The following FLNA variants were observed in gnomAD, a reference collection of about 807,000 sequenced individuals.
FLNA encodes the protein filamin A.
In FLNA, 7 loss-of-function variants were observed where a neutral mutation model predicts 157.6. That is an observed-to-expected ratio of 0.04 (90% CI 0.03 to 0.08). FLNA has a LOEUF of 0.08. FLNA is among the 10% of genes least tolerant of loss of function. The pLI, the probability that FLNA is intolerant of heterozygous loss-of-function variation, is 1.00. For synonymous variants in FLNA, 1,103 were observed against 1,060.8 expected, an observed-to-expected ratio of 1.04 and a Z score of -0.77; for missense variants, 1,750 against 2,398.4, an observed-to-expected ratio of 0.73 and a Z score of 5.65.
rs782275257 is a variant in FLNA at position 154,370,917 on chromosome X, G to A, written c.329C>T (p.Ala110Val). The change falls in exon 2 of 48, where the codon GCG (alanine) becomes GTG (valine). Residue 110 changes from alanine to valine, a missense_variant. By Grantham distance (64) the Ala-to-Val change is moderately conservative. Transcript: ENST00000369850. ...GCTCTCGCGGTCCAGGAACTCGAGCGCCACCGACACGTTCTCAAGCTGCAT... is the reference window on the plus strand; with the variant it reads ...GCTCTCGCGGTCCAGGAACTCGAGCACCACCGACACGTTCTCAAGCTGCAT... The part of the protein sequence containing the change: ...RQMQLENVSV[A>V]LEFLDRESIK... The A allele has an allele frequency of 8.3e-7, 1 of 1,210,619 alleles. No individual in the cohort carries two copies. The highest frequency in any genetic ancestry group is 3.0e-5 in the East Asian group (1 of 33,828).
chrX:154,372,195 G>A (rs2067813712), intron 1 of FLNA, among the ~76,000 whole-genome samples: 1 of 113,460 alleles, frequency 8.8e-6, no homozygotes, highest in Non-Finnish European at 1.9e-5. Flanking sequence ...CAGTGGGCGC[G>A]GGCAGAGGGC....
intron 28 of FLNA, 83 bp downstream of exon 28, chrX:154,358,116 G>A: frequency 9.4e-7 from 1 of 1,061,479 alleles, no homozygotes; most frequent in Non-Finnish European, 1.3e-6. Flanking sequence ...CAGCTCCGCA[G>A]GGAGATCAGA....
intron 1 of FLNA, 58 bp from the exon 2 acceptor site, chrX:154,371,419 T>G: frequency 4.3e-6 from 2 of 465,926 alleles, no homozygotes; most frequent in Non-Finnish European, 3.4e-6. Context: ...AGGGCGGGCC[T>G]CCTGCGGGGA....
In FLNA at chrX:154,360,162, G is replaced by C; in HGVS notation, c.3633C>G (p.Asp1211Glu). Residue 1211 changes from aspartate (D) to glutamate (E), a missense_variant, in exon 22 of 48, where the codon GAC (aspartate) becomes GAG (glutamate). Asp to Glu is a conservative substitution (Grantham distance 45). This residue lies in a region of FLNA where 970 missense variants were observed against 1,302.6 expected (regional missense o/e 0.74). Coordinates refer to ENST00000369850, the MANE Select transcript of FLNA (RefSeq NM_001110556.2). ...AGLPAEVYIQ[D>E]HGDGTHTITY... ...TAATGGTGTGCGTGCCATCACCGTG[G>C]TCCTGGATGTACACCTCGGCCGGAA... 4 of 1,209,855 alleles carry C rather than the reference G, an allele frequency of 3.3e-6. No homozygotes were observed. The highest frequency in any genetic ancestry group is 4.5e-6 in the Non-Finnish European group (4 of 894,104).
Position 154,371,464 on chromosome X carries a change from C to T in FLNA, c.-116-103G>A. The stretch of plus-strand genomic sequence containing the variant: ...GGGTGGGGCTTCGAGGGCGCGCCTG[C>T]CCCACCCCGCCCCGCCCGTTGGAAT... On this transcript the variant is annotated intron_variant, in intron 1 of 47. Coordinates refer to ENST00000369850, the MANE Select transcript of FLNA (RefSeq NM_001110556.2). 3 of 409,660 alleles carry T rather than the reference C, an allele frequency of 7.3e-6. No homozygotes were observed. In the East Asian group the frequency reaches 1.3e-4, roughly 18 times the overall value. The allele number at this position is 409,660 out of a possible 1,213,427, so 33.8% of individuals were successfully genotyped here.
In FLNA at chrX:154,371,058, C is replaced by A. The variant is rs2067802461; in HGVS notation, c.188G>T (p.Arg63Leu). The A allele has an allele frequency of 8.3e-7, 1 of 1,204,561 alleles. No individual in the cohort carries two copies. Among genetic ancestry groups the A allele is most frequent in the Non-Finnish European group, 1.1e-6 (1 of 891,649 alleles). ...CAGGTCCGTCTGCAGGTTGGCGATGCGCTTGCTCACGCACTTCAGGTGCTC... is the reference window on the plus strand; with the variant it reads ...CAGGTCCGTCTGCAGGTTGGCGATGAGCTTGCTCACGCACTTCAGGTGCTC... Reference protein sequence around the residue: ...CNEHLKCVSKRIANLQTDLSD... With the variant: ...CNEHLKCVSKLIANLQTDLSD... Residue 63 changes from arginine to leucine, a missense_variant, in exon 2 of 48, where the codon CGC becomes CTC. Physicochemically the swap from Arg to Leu is moderately radical, Grantham distance 102. Transcript: ENST00000369850.
At chrX:154,372,410 T>G (rs1481721021) in intron 1 of FLNA, among the ~76,000 whole-genome samples, 1 of 111,923 alleles carries the variant, frequency 8.9e-6, no homozygotes, top group Admixed American at 9.3e-5. Flanking sequence ...TGTCAGGCTC[T>G]GAGCACCTGG....
chrX:154,369,376 C>T (rs2067786886), intron 2 of FLNA, among the ~76,000 whole-genome samples: 1 of 112,222 alleles, frequency 8.9e-6, no homozygotes, highest in Non-Finnish European at 1.9e-5. Flanking sequence ...GACCCCCACA[C>T]GGGGAGCAAC....
Position 154,364,308 on chromosome X carries a change from G to T in FLNA, c.2087C>A (p.Thr696Lys). ...CTTGCCACCGTGCTTGGCATCCACT[G>T]TGAACTCTGCTGGCTTGTTGACGGC... ...GVAVNKPAEF[T>K]VDAKHGGKAP... is the part of the protein sequence containing the mutation. The change falls in exon 14 of 48, where the codon ACA becomes AAA. Residue 696 changes from threonine to lysine, a missense_variant. This residue lies in a region of FLNA where 648 missense variants were observed against 805.8 expected (regional missense o/e 0.80). Transcript: ENST00000369850. 8.3e-7 allele frequency: 1 copy of T among 1,211,601 alleles called. No individual in the cohort carries two copies. Among genetic ancestry groups the T allele is most frequent in the Non-Finnish European group, 1.1e-6 (1 of 895,492 alleles).
Position 154,352,788 on chromosome X carries a change from G to A in FLNA, c.6363C>T (p.Ala2121=), listed in dbSNP as rs782107005. Residue 2121 remains alanine (A), a synonymous_variant, in exon 39 of 48, where the codon GCC becomes GCT. Coordinates refer to ENST00000369850, the MANE Select transcript of FLNA (RefSeq NM_001110556.2). The stretch of plus-strand genomic sequence containing the variant: ...TGCACTCACCAGGCACGTGCTGGTC[G>A]GCAAACTTGATGTTGATGATGTAGT... The part of the protein sequence containing the change: ...PGNYIINIKF[A]DQHVPGSPFS... The A allele has an allele frequency of 9.1e-6, 11 of 1,210,658 alleles. No homozygotes were observed. The African/African-American group carries it at 1.2e-4, about 13-fold the overall frequency.
chrX:154,367,369 G>A (rs782413582), intron 5 of FLNA, 28 bp downstream of exon 5: 5 of 1,206,288 alleles, frequency 4.1e-6, no homozygotes, highest in Admixed American at 4.4e-5. Flanking sequence ...GTTGGCACAC[G>A]GGTGCACCCC....
At position 154,357,486 on chromosome X, in the gene FLNA, C is replaced by T. The variant is rs1984380; in HGVS notation, c.4893G>A (p.Pro1631=). ...CGGTGGGCACGGCACGCACGCGGTACGGGGAGAAGGGGATCTCGTCACCAC... is the reference window on the plus strand; with the variant it reads ...CGGTGGGCACGGCACGCACGCGGTATGGGGAGAAGGGGATCTCGTCACCAC... ...KYGGDEIPFS[P]YRVRAVPTGD... The change falls in exon 29 of 48, where the codon CCG becomes CCA. Residue 1631 remains proline, a synonymous_variant. Transcript: ENST00000369850. The T allele has an allele frequency of 6.4e-5, 78 of 1,210,710 alleles. 1 individual carries two copies. The East Asian group carries it at 1.7e-3, about 27-fold the overall frequency.
At chrX:154,368,239 G>T in intron 2 of FLNA, 149 bp from the exon 3 acceptor site, 1 of 825,795 alleles carries the variant, frequency 1.2e-6, no homozygotes, top group South Asian at 2.2e-5. Flanking sequence ...ATGTGGATGA[G>T]GCCCTCTCTG....
At position 154,352,640 on chromosome X, in the gene FLNA, G is replaced by C; in HGVS notation, c.6415C>G (p.Arg2139Gly). 8.3e-7 allele frequency: 1 copy of C among 1,211,638 alleles called. No homozygotes were observed. The change falls in exon 40 of 48, where the codon CGG (arginine) becomes GGG (glycine). Residue 2139 changes from arginine to glycine, a missense_variant. Coordinates refer to ENST00000369850, the MANE Select transcript of FLNA (RefSeq NM_001110556.2). ...CTGCGGGTGATGCTCTCTTTCACCC[G>C]GCCCTCGCCTGTCACCTTCACAGAG... ...PFSVKVTGEG[R>G]VKESITRRRR...
intron 2 of FLNA, 61 bp downstream of exon 2, chrX:154,370,811 GA>G: frequency 2.6e-6 from 3 of 1,159,056 alleles, no homozygotes; most frequent in South Asian, 3.7e-5. Flanking sequence ...TCCGCCCGGG[GA>G]GATGGAAGGA....
At position 154,354,671 on chromosome X, in the gene FLNA, C is replaced by T. The variant is rs1305496218; in HGVS notation, c.5258G>A (p.Arg1753Gln). ...GTACTGTGGGGCCAGCTGCTGAGAC[C>T]GTAGAGGGGGCTGCACCGAGGGCTG... Reference protein sequence around the residue: ...GDQPSVQPPLRSQQLAPQYTY... With the variant: ...GDQPSVQPPLQSQQLAPQYTY... The change falls in exon 32 of 48, where the codon CGG (arginine) becomes CAG (glutamine). Residue 1753 changes from arginine to glutamine, a missense_variant. Transcript: ENST00000369850. 7.5e-6 allele frequency: 9 copies of T among 1,206,538 alleles called. No individual in the cohort carries two copies. The highest frequency in any genetic ancestry group is 7.0e-5 in the African/African-American group (4 of 57,494).
intron 28 of FLNA, 125 bp downstream of exon 28, chrX:154,358,073 CA>C: frequency 2.5e-6 from 2 of 796,374 alleles, no homozygotes; most frequent in South Asian, 2.2e-5. Context: ...AAACCAAAGA[CA>C]GGGGCCCTGT....
At position 154,354,604 on chromosome X, in the gene FLNA, G is replaced by A. The variant is rs2067647703; in HGVS notation, c.5313+12C>T. On this transcript the variant is annotated intron_variant, in intron 32 of 47. Transcript: ENST00000369850. ...TGGCTAGCCCCAGTGTCCCTAGCTG[G>A]CCAGGCCGTACCCAAGTCTGCTGGC... 8.4e-7 allele frequency: 1 copy of A among 1,192,961 alleles called. No homozygotes were observed. The highest frequency in any genetic ancestry group is 1.8e-5 in the South Asian group (1 of 55,177).
In FLNA at chrX:154,361,368, G is replaced by A. The variant is rs398123615; in HGVS notation, c.3147C>T (p.Gly1049=). 3.4e-5 allele frequency: 41 copies of A among 1,207,882 alleles called. No homozygotes were observed. Among genetic ancestry groups the A allele is most frequent in the East Asian group, 8.9e-5 (3 of 33,742 alleles). Residue 1049 remains glycine, a synonymous_variant, in exon 21 of 48, where the codon GGC becomes GGT. Transcript: ENST00000369850. Reference sequence around the variant, plus strand: ...GAAAGGGGCTGCCAGGCACGGGCACGCCGTCATAGGTCACCTCCACCTCAT... The same window carrying A: ...GAAAGGGGCTGCCAGGCACGGGCACACCGTCATAGGTCACCTCCACCTCAT... ...GPYEVEVTYD[G]VPVPGSPFPL...
Sources: gnomAD v4.1 joint callset for allele counts (sites outside exome capture counted in the v4.1 genomes callset) on GRCh38, gnomAD v4.1.1 for gene constraint, gnomAD v4.1.1 regional missense constraint, MANE v1.5 for transcripts, NCBI Gene and HGNC (gene_info 2026-07-23, HGNC 2026-07-21) for gene names.